Variants in BTBD7 observed in about 807,000 individuals in gnomAD.
BTBD7 encodes the protein BTB/POZ domain-containing protein 7.
A neutral mutation model predicts 99.9 loss-of-function variants in BTBD7; 38 were observed. That is an observed-to-expected ratio of 0.38 (90% CI 0.29 to 0.50). The LOEUF (loss-of-function observed/expected upper bound fraction) is 0.50, where lower values mean the gene tolerates loss of function less well. Ranked by LOEUF, BTBD7 falls within the 20% of genes least tolerant of loss-of-function variation. BTBD7 has a pLI of 0.93. For missense variants in BTBD7, 1,170 were observed against 1,394.6 expected (o/e 0.84, Z 2.57); for synonymous variants, 520 against 511.4 (o/e 1.02, Z -0.23).
rs1384190750 is a variant in BTBD7 at position 93,237,941 on chromosome 14, G to C, written c.*4332C>G. ...CCACAAGAAACGCAGTGTTGTAGAT[G>C]ATTTTCCACCTCTCTGAAGTACAGA... is the stretch of plus-strand genomic sequence containing the variant. On this transcript the variant is annotated 3_prime_UTR_variant, in exon 11 of 11. Coordinates refer to ENST00000334746, the MANE Select transcript of BTBD7 (RefSeq NM_001002860.4). The C allele has an allele frequency of 2.6e-5, 4 of 152,678 alleles. No individual in the cohort carries two copies. The highest frequency in any genetic ancestry group is 4.1e-4 in the South Asian group (2 of 4,828). 9.5% of individuals were successfully genotyped at this position (152,678 alleles called of 1,614,324 possible). A position where few individuals can be genotyped will look rare whatever the true frequency, so the allele number is the denominator to read the frequency against.
At chr14:93,303,035 T>C (rs1338629916) in intron 1 of BTBD7, among the ~76,000 whole-genome samples, 1 of 152,076 alleles carries the variant, frequency 6.6e-6, no homozygotes, top group East Asian at 1.9e-4. Flanking sequence ...AAGTCTCAAA[T>C]GCCAAAGGTA....
intron 3 of BTBD7, among the ~76,000 whole-genome samples, chr14:93,268,052 C>T (rs2052560096): frequency 1.3e-5 from 2 of 152,142 alleles, no homozygotes; most frequent in Non-Finnish European, 2.9e-5. Flanking sequence ...GCCTACTCCC[C>T]AGCCCATCCC....
chr14:93,303,031 C>G (rs1403557859), intron 1 of BTBD7, among the ~76,000 whole-genome samples: 1 of 152,062 alleles, frequency 6.6e-6, no homozygotes, highest in Non-Finnish European at 1.5e-5. Context: ...AGGTAAGTCT[C>G]AAATGCCAAA....
At chr14:93,312,155 C>A (rs2053145801) in intron 1 of BTBD7, among the ~76,000 whole-genome samples, 1 of 152,194 alleles carries the variant, frequency 6.6e-6, no homozygotes, top group Non-Finnish European at 1.5e-5. Flanking sequence ...TCTCCTGTCT[C>A]TACCCCAGTA....
At chr14:93,318,100 C>T (rs115519823) in intron 1 of BTBD7, among the ~76,000 whole-genome samples, 1,730 of 152,316 alleles carry the variant, frequency 0.011, 32 homozygotes, top group African/African-American at 0.039. Context: ...GAGTTCTGTG[C>T]TTCCTCCTCA....
chr14:93,318,457 C>T (rs2053233143), intron 1 of BTBD7, among the ~76,000 whole-genome samples: 1 of 152,072 alleles, frequency 6.6e-6, no homozygotes, highest in Admixed American at 6.6e-5. Context: ...ATGTGTATTA[C>T]TTCACAATAA....
rs149714242 is a variant in BTBD7 at position 93,304,202 on chromosome 14, G to A, written c.-106-8045C>T. Among the ~76,000 whole-genome samples the A allele has an allele frequency of 1.6e-4, 25 of 152,304 alleles. No homozygotes were observed. The East Asian group carries it at 2.3e-3, about 14-fold the overall frequency. ...TTACGATATGGAAAACTAGCACTGA[G>A]CCCGGCACACAATATTTTATTGAAT... On this transcript the variant is annotated intron_variant, in intron 1 of 10. Transcript: ENST00000334746.
intron 1 of BTBD7, among the ~76,000 whole-genome samples, chr14:93,320,583 GAGAATTACAGC>G (rs143793391): frequency 0.017 from 2,555 of 152,294 alleles, 77 homozygotes; most frequent in African/African-American, 0.059. Context: ...TGACCTGATT[GAGAATTACAGC>G]AGAATTACAG....
chr14:93,280,133 C>T (rs1004387550), intron 3 of BTBD7, among the ~76,000 whole-genome samples: 12 of 152,086 alleles, frequency 7.9e-5, no homozygotes, highest in African/African-American at 2.9e-4. Flanking sequence ...TACTTATAAA[C>T]AAAAAACTAT....
At chr14:93,255,073 T>G (rs897745086) in intron 6 of BTBD7, among the ~76,000 whole-genome samples, 1 of 152,172 alleles carries the variant, frequency 6.6e-6, no homozygotes, top group Non-Finnish European at 1.5e-5. Context: ...TATCTAGTAT[T>G]TAGAAAATAG....
In BTBD7 at chr14:93,294,073, T is replaced by A. The variant is rs1351255691; in HGVS notation, c.947A>T (p.Asp316Val). Residue 316 changes from aspartate to valine, a missense_variant, in exon 3 of 11, where the codon GAT becomes GTT. Physicochemically the swap from Asp to Val is radical, Grantham distance 152. This residue lies in a region of BTBD7 where 359 missense variants were observed against 497.9 expected (regional missense o/e 0.72). Coordinates refer to ENST00000334746, the MANE Select transcript of BTBD7 (RefSeq NM_001002860.4). The part of the protein sequence containing the change: ...TLRTPTRIIL[D>V]ESIIPKKYAT... ...ATATTTTTTTGGTATAATGGACTCA[T>A]CTAATATAATTCTTGTGGGAGTCCT... 2 of 1,614,092 alleles carry A rather than the reference T, an allele frequency of 1.2e-6. No homozygotes were observed. Among genetic ancestry groups the A allele is most frequent in the Non-Finnish European group, 1.7e-6 (2 of 1,179,968 alleles).
Position 93,288,701 on chromosome 14 carries a change from G to GTC in BTBD7, c.1162+5155_1162+5156dup, listed in dbSNP as rs1159470875. On this transcript the variant is annotated intron_variant, in intron 3 of 10. Transcript: ENST00000334746. ...TGCACAGGCAGGCCTGATGACTGTAGTCTCCTCTGTAAAACAAATGGAAGG... is the reference window on the plus strand; with the variant it reads ...TGCACAGGCAGGCCTGATGACTGTAGTCTCTCCTCTGTAAAACAAATGGAAGG... 3 of 1,609,856 alleles carry GTC rather than the reference G, an allele frequency of 1.9e-6. No individual in the cohort carries two copies. In the African/African-American group the frequency reaches 4.0e-5, roughly 22 times the overall value.
chr14:93,329,443 T>C (rs915900363), intron 1 of BTBD7, among the ~76,000 whole-genome samples: 5 of 152,174 alleles, frequency 3.3e-5, no homozygotes, highest in African/African-American at 4.8e-5. Context: ...TGTAAAATTT[T>C]CTGGATATAA....
chr14:93,245,366 G>C (rs1253233940), intron 10 of BTBD7, among the ~76,000 whole-genome samples: 2 of 152,134 alleles, frequency 1.3e-5, no homozygotes, highest in Non-Finnish European at 1.5e-5. Context: ...CTTCTGAATG[G>C]GGAGTTTTTT....
At chr14:93,282,328 C>CT (rs1367297884) in intron 3 of BTBD7, among the ~76,000 whole-genome samples, 2 of 143,188 alleles carry the variant, frequency 1.4e-5, no homozygotes, top group Admixed American at 7.1e-5. Context: ...AAGAGCAATG[C>CT]TTTTTTCTTT....
chr14:93,328,092 A>C (rs2139836548), intron 1 of BTBD7, among the ~76,000 whole-genome samples: 1 of 152,328 alleles, frequency 6.6e-6, no homozygotes, highest in African/African-American at 2.4e-5. Flanking sequence ...TTTTACACTG[A>C]AAACTAAAAA....
chr14:93,295,062 T>C, intron 2 of BTBD7, 125 bp from the exon 3 acceptor site: 1 of 956,560 alleles, frequency 1.0e-6, no homozygotes, highest in Non-Finnish European at 1.5e-6. Context: ...TTGCATTTGT[T>C]TTTTATAAAG....
In BTBD7 at chr14:93,309,357, AGGCCAAGGTGTGT is replaced by A. The variant is rs1220198823; in HGVS notation, c.-106-13213_-106-13201del. 6.6e-5 allele frequency among the ~76,000 whole-genome samples: 10 copies of A among 151,048 alleles called. No homozygotes were observed. In the East Asian group the frequency reaches 1.9e-3, roughly 29 times the overall value. On this transcript the variant is annotated intron_variant, in intron 1 of 10. Transcript: ENST00000334746. ...ACGCCTGTAATTCCAGCACTTTGGG[AGGCCAAGGTGTGT>A]GGCCTAGGCGACAAGGGCAAAACTC...
Position 93,242,973 on chromosome 14 carries a change from G to C in BTBD7, c.2699C>G (p.Ser900Ter). 3.7e-6 allele frequency: 6 copies of C among 1,614,092 alleles called. No individual in the cohort carries two copies. Among genetic ancestry groups the C allele is most frequent in the Non-Finnish European group, 5.1e-6 (6 of 1,180,022 alleles). Residue 900 changes from serine to a stop codon, truncating the protein, a stop_gained, in exon 11 of 11, where the codon TCA (serine) becomes TGA (stop). Transcript: ENST00000334746. LOFTEE classifies it high-confidence loss of function. ...ELAVDTELSQ[S>*]VSEAGPGPPQ... ...AGGCCCTGGTCCTGCTTCAGAAACT[G>C]ACTGGCTTAATTCTGTGTCTACAGC...
Sources: allele counts gnomAD v4.1 joint callset (sites outside exome capture counted in the v4.1 genomes callset), GRCh38; gene constraint gnomAD v4.1.1; regional missense constraint gnomAD v4.1.1; transcripts MANE v1.5; gene names NCBI Gene and HGNC (gene_info 2026-07-23, HGNC 2026-07-21).